The following SNTG2 variants were observed in gnomAD, a reference collection of about 807,000 sequenced individuals.
The protein encoded by SNTG2 is syntrophin gamma 2.
In SNTG2, 74 loss-of-function variants were observed where a neutral mutation model predicts 70.9. The ratio of observed to expected loss-of-function variants is 1.04; its 90% confidence interval spans 0.86 to 1.27. The LOEUF (loss-of-function observed/expected upper bound fraction) is 1.27, where lower values mean the gene tolerates loss of function less well. Among genes scored for constraint, SNTG2 ranks in the 50% most tolerant of loss-of-function variants. SNTG2 has a pLI of 0.00. For synonymous variants in SNTG2, 278 were observed against 273.8 expected, an observed-to-expected ratio of 1.02 and a Z score of -0.15; for missense variants, 717 against 690.7, an observed-to-expected ratio of 1.04 and a Z score of -0.43.
intron 16 of SNTG2, among the ~76,000 whole-genome samples, chr2:1,356,884 T>A (rs1011828398): frequency 9.9e-5 from 15 of 152,138 alleles, no homozygotes; most frequent in Non-Finnish European, 1.8e-4. Context: ...TTTGCCTCCT[T>A]GGTTAAGTTT....
chr2:1,035,452 A>T (rs1220325470), intron 1 of SNTG2, among the ~76,000 whole-genome samples: 1 of 152,202 alleles, frequency 6.6e-6, no homozygotes, highest in African/African-American at 2.4e-5. Flanking sequence ...AATCTTTTGT[A>T]CCGCTACTTA....
chr2:1,005,159 T>C (rs772866938), intron 1 of SNTG2, among the ~76,000 whole-genome samples: 18 of 152,092 alleles, frequency 1.2e-4, no homozygotes, highest in Non-Finnish European at 2.4e-4. Context: ...AAAGAGATCA[T>C]GGATTGTGGG....
intron 4 of SNTG2, among the ~76,000 whole-genome samples, chr2:1,128,696 G>GA: frequency 6.6e-6 from 1 of 152,110 alleles, no homozygotes; most frequent in East Asian, 1.9e-4. Context: ...GGTGGAGGGT[G>GA]AAAACTGTGT....
chr2:1,172,794 A>T (rs1426606070), intron 7 of SNTG2, among the ~76,000 whole-genome samples: 2 of 152,136 alleles, frequency 1.3e-5, no homozygotes, highest in African/African-American at 4.8e-5. Context: ...GGTCATGTTG[A>T]CAGGGAGGGC....
rs553224823 is a variant in SNTG2, at chr2:1,284,802, TTTTG to T, written c.1284+17235_1284+17238del. Among the ~76,000 whole-genome samples, 630 of 152,254 alleles carry T rather than the reference TTTTG, an allele frequency of 4.1e-3. 6 individuals carry two copies. Among genetic ancestry groups the T allele is most frequent in the African/African-American group, 0.014 (588 of 41,558 alleles). ...TTGTGTTTGTAATTAAAATATTCAG[TTTTG>T]TTTATTAATGACAAACATTTATTGC... On this transcript the variant is annotated intron_variant, in intron 14 of 16. Transcript: ENST00000308624.
intron 2 of SNTG2, among the ~76,000 whole-genome samples, chr2:1,096,433 C>T (rs559826942): frequency 4.0e-4 from 61 of 152,250 alleles, no homozygotes; most frequent in Non-Finnish European, 6.5e-4. Context: ...AGCCACAGAA[C>T]TTGTTTACCT....
At chr2:1,161,808 C>T (rs1185622830) in intron 6 of SNTG2, 3 of 152,172 alleles carry the variant, frequency 2.0e-5, no homozygotes, top group Admixed American at 1.3e-4. Flanking sequence ...GGTGCGGTGG[C>T]TCACGCCTGT....
chr2:1,292,095 A>G (rs146517018), intron 14 of SNTG2, among the ~76,000 whole-genome samples: 236 of 152,254 alleles, frequency 1.6e-3, no homozygotes, highest in African/African-American at 5.2e-3. Flanking sequence ...TTTTGATGCT[A>G]TTGTAAATGA....
intron 1 of SNTG2, among the ~76,000 whole-genome samples, chr2:1,026,595 C>T (rs777125695): frequency 5.3e-5 from 8 of 152,180 alleles, no homozygotes; most frequent in Non-Finnish European, 8.8e-5. Context: ...TTCGTGTTTT[C>T]CTAGGCATGA....
At chr2:1,187,250 C>T (rs371020526) in intron 8 of SNTG2, among the ~76,000 whole-genome samples, 3 of 152,280 alleles carry the variant, frequency 2.0e-5, no homozygotes, top group South Asian at 2.1e-4. Context: ...TTGGCTAGGA[C>T]GTGGTACCCA....
In SNTG2 at chr2:1,233,432, G is replaced by A. The variant is rs149525377; in HGVS notation, c.720-4456G>A. 7.2e-5 allele frequency among the ~76,000 whole-genome samples: 11 copies of A among 152,272 alleles called. No individual in the cohort carries two copies. The South Asian group carries it at 1.0e-3, about 14-fold the overall frequency. ...ATTCCCAGCGGTGTGGGCGGGATTCGGAGGCCTTTCTGCATGTGGACAGGA... is the reference window on the plus strand; with the variant it reads ...ATTCCCAGCGGTGTGGGCGGGATTCAGAGGCCTTTCTGCATGTGGACAGGA... On this transcript the variant is annotated intron_variant, in intron 9 of 16. Transcript: ENST00000308624.
chr2:1,362,737 C>T (rs931104716), intron 16 of SNTG2, among the ~76,000 whole-genome samples: 40 of 146,010 alleles, frequency 2.7e-4, no homozygotes, highest in African/African-American at 9.4e-4. Flanking sequence ...AAGTCACCGA[C>T]GCTGAGCATT....
chr2:1,234,012 C>T (rs1206531547), intron 9 of SNTG2, among the ~76,000 whole-genome samples: 2 of 152,118 alleles, frequency 1.3e-5, no homozygotes, highest in Non-Finnish European at 2.9e-5. Flanking sequence ...TCCTGAGCAG[C>T]AGATGCTCTG....
chr2:1,159,224 GGTGTGTGTGAGTGTGT>G (rs1670112896), intron 6 of SNTG2: 1 of 68,658 alleles, frequency 1.5e-5, no homozygotes, highest in Admixed American at 1.3e-4. Context: ...TATGTGGGAG[GGTGTGTGTGAGTGTGT>G]GTGTGTGTAT....
intron 1 of SNTG2, among the ~76,000 whole-genome samples, chr2:1,028,198 A>G (rs962083224): frequency 7.4e-5 from 11 of 148,412 alleles, no homozygotes; most frequent in African/African-American, 2.9e-4. Context: ...TAACTCATGC[A>G]TCTCTGTTGA....
intron 9 of SNTG2, among the ~76,000 whole-genome samples, chr2:1,220,701 T>G (rs894869659): frequency 4.6e-5 from 7 of 152,240 alleles, no homozygotes; most frequent in African/African-American, 1.7e-4. Flanking sequence ...CTTAGATCTC[T>G]ACAAACGCCC....
At chr2:1,259,857 G>A (rs965344755) in intron 13 of SNTG2, among the ~76,000 whole-genome samples, 2 of 152,320 alleles carry the variant, frequency 1.3e-5, no homozygotes, top group Admixed American at 1.3e-4. Flanking sequence ...GGTTCCTAGG[G>A]TAGGTAAGGA....
intron 1 of SNTG2, among the ~76,000 whole-genome samples, chr2:1,018,730 C>CA (rs201550886): frequency 1.3e-3 from 201 of 150,556 alleles, no homozygotes; most frequent in Non-Finnish European, 2.1e-3. Flanking sequence ...AAGTGGCTGG[C>CA]AAAAAAAAAT....
At chr2:997,223 A>G (rs1349211956) in intron 1 of SNTG2, among the ~76,000 whole-genome samples, 1 of 152,208 alleles carries the variant, frequency 6.6e-6, no homozygotes, top group Non-Finnish European at 1.5e-5. Flanking sequence ...GGGGCGTGAC[A>G]AGCTCTAGGT....
Sources: gnomAD v4.1 joint callset for allele counts (sites outside exome capture counted in the v4.1 genomes callset) on GRCh38, gnomAD v4.1.1 for gene constraint, MANE v1.5 for transcripts, NCBI Gene and HGNC (gene_info 2026-07-23, HGNC 2026-07-21) for gene names.